SHPRH: variants seen among roughly 807,000 people sequenced by gnomAD.
SHPRH encodes E3 ubiquitin-protein ligase SHPRH.
A neutral mutation model predicts 202.5 loss-of-function variants in SHPRH; 106 were observed. The observed-to-expected ratio is 0.52, with a 90% CI of 0.45 to 0.62. The LOEUF (loss-of-function observed/expected upper bound fraction) is 0.62. Ranked by LOEUF, SHPRH falls within the 20% of genes least tolerant of loss-of-function variation. The pLI is 0.00. For missense variants in SHPRH, 1,710 were observed against 2,020.0 expected (o/e 0.85, Z 2.94); for synonymous variants, 729 against 686.0 (o/e 1.06, Z -0.98).
At chr6:145,884,673 A>G (rs1344926111), downstream of SHPRH, 2 of 152,158 alleles carry the variant, frequency 1.3e-5, no homozygotes, top group African/African-American at 2.4e-5. Flanking sequence ...AACTGTCACA[A>G]TTGTTTTTAA....
In SHPRH at chr6:145,902,711, TTACTC is replaced by T. The variant is rs145820782; in HGVS notation, c.4515+7732_4516-7735del. Among the ~76,000 whole-genome samples the T allele has an allele frequency of 1.8e-3, 269 of 152,248 alleles. 2 individuals carry two copies. The highest frequency in any genetic ancestry group is 6.3e-3 in the African/African-American group (261 of 41,568). ...TAGAAAGATACACTGTAGCTTGGCT[TTACTC>T]TAGACTATTCAATTGTTTACACAGA... On this transcript the variant is annotated intron_variant, in intron 25 of 29. Transcript: ENST00000275233.
At position 145,948,259 on chromosome 6, in the gene SHPRH, A is replaced by G; in HGVS notation, c.1061+13T>C. On this transcript the variant is annotated intron_variant, in intron 5 of 29. Coordinates refer to ENST00000275233, the MANE Select transcript of SHPRH (RefSeq NM_001042683.3). ...TTTTTTAAATCAAGCATATAAGTAA[A>G]ATTTTGCCTTACCAGCCTGTATATG... 2 of 1,553,728 alleles carry G rather than the reference A, an allele frequency of 1.3e-6. No individual in the cohort carries two copies.
intron 2 of SHPRH, 81 bp from the exon 3 acceptor site, chr6:145,952,559 G>A: frequency 8.3e-6 from 11 of 1,330,084 alleles, no homozygotes; most frequent in Non-Finnish European, 1.1e-5. Context: ...GAAAAAATTA[G>A]CATCACTACT....
chr6:145,923,659 G>A lies in SHPRH; in HGVS notation c.3529C>T (p.Leu1177Phe). The part of the protein sequence containing the change: ...TSNYKQQTGK[L>F]SMSEKFRDCR... The stretch of plus-strand genomic sequence containing the variant: ...TTTTCTTACTTCTCTGACATAGAAA[G>A]CTTGCCAGTTTGTTGCTTGTAGTTG... Residue 1177 changes from leucine to phenylalanine, a missense_variant, in exon 18 of 30, where the codon CTT becomes TTT. Coordinates refer to ENST00000275233, the MANE Select transcript of SHPRH (RefSeq NM_001042683.3). 3.7e-6 allele frequency: 6 copies of A among 1,611,736 alleles called. No individual in the cohort carries two copies. Among genetic ancestry groups the A allele is most frequent in the Non-Finnish European group, 5.1e-6 (6 of 1,178,530 alleles).
chr6:145,884,412 T>C (rs1780818006), downstream of SHPRH: 7 of 152,150 alleles, frequency 4.6e-5, no homozygotes, highest in Admixed American at 2.0e-4. Flanking sequence ...TCATCTGGAA[T>C]CATGTTACAG....
chr6:145,878,349 T>C (rs1780397401), intron 2 of SHPRH, among the ~76,000 whole-genome samples: 1 of 152,220 alleles, frequency 6.6e-6, no homozygotes, highest in Non-Finnish European at 1.5e-5. Flanking sequence ...TTTTTGGTGT[T>C]GTACATTCTA....
At chr6:145,916,075 T>A (rs1423416401) in intron 23 of SHPRH, among the ~76,000 whole-genome samples, 1 of 152,120 alleles carries the variant, frequency 6.6e-6, no homozygotes, top group African/African-American at 2.4e-5. Flanking sequence ...GGTATTTTCA[T>A]TTGTACTGTA....
intron 14 of SHPRH, among the ~76,000 whole-genome samples, chr6:145,931,106 T>C (rs1371311825): frequency 5.3e-5 from 8 of 152,080 alleles, no homozygotes; most frequent in Non-Finnish European, 8.8e-5. Flanking sequence ...TTCATCCTCT[T>C]ACATTTGCAT....
chr6:145,948,962 A>G (rs1446490950), intron 4 of SHPRH, among the ~76,000 whole-genome samples: 3 of 152,088 alleles, frequency 2.0e-5, no homozygotes, highest in African/African-American at 7.2e-5. Flanking sequence ...CTACCCACCA[A>G]TGAAACAGCA....
In SHPRH at chr6:145,945,505, C is replaced by T. The variant is rs762109266; in HGVS notation, c.1454G>A (p.Arg485Gln). 5.6e-6 allele frequency: 9 copies of T among 1,613,112 alleles called. No individual in the cohort carries two copies. Among genetic ancestry groups the T allele is most frequent in the East Asian group, 2.2e-5 (1 of 44,806 alleles). Reference protein sequence around the residue: ...DVQRNRSLLKRMLKCLIFEGL... With the variant: ...DVQRNRSLLKQMLKCLIFEGL... ...TTCAAAAATTAAACATTTCAGCATCCGTTTCAAAAGACTCCTGTTCCGTTG... is the reference window on the plus strand; with the variant it reads ...TTCAAAAATTAAACATTTCAGCATCTGTTTCAAAAGACTCCTGTTCCGTTG... Residue 485 changes from arginine (R) to glutamine (Q), a missense_variant, in exon 8 of 30, where the codon CGG (arginine) becomes CAG (glutamine). Physicochemically the swap from Arg to Gln is conservative, Grantham distance 43 (BLOSUM62 1). Coordinates refer to ENST00000275233, the MANE Select transcript of SHPRH (RefSeq NM_001042683.3).
chr6:145,925,262 CAG>C (rs1784760134), intron 16 of SHPRH, among the ~76,000 whole-genome samples: 1 of 151,312 alleles, frequency 6.6e-6, no homozygotes, highest in South Asian at 2.1e-4. Flanking sequence ...CACAGTAACA[CAG>C]GTGTTAGGAA....
At chr6:145,914,733 T>G (rs1281977348) in intron 23 of SHPRH, among the ~76,000 whole-genome samples, 3 of 152,168 alleles carry the variant, frequency 2.0e-5, no homozygotes, top group African/African-American at 4.8e-5. Context: ...CCATGGGTTA[T>G]TCAGAAGTAT....
intron 16 of SHPRH, among the ~76,000 whole-genome samples, chr6:145,925,152 T>C (rs1784751191): frequency 6.6e-6 from 1 of 151,760 alleles, no homozygotes; most frequent in African/African-American, 2.4e-5. Flanking sequence ...ACAGTAATAT[T>C]TCAAATGATA....
In SHPRH at chr6:145,947,395, AG is replaced by A; in HGVS notation, c.1212+97del. 13 of 1,351,612 alleles carry A rather than the reference AG, an allele frequency of 9.6e-6. No homozygotes were observed. The South Asian group carries it at 2.0e-4, about 21-fold the overall frequency. 83.7% of individuals were successfully genotyped at this position (1,351,612 alleles called of 1,614,324 possible). Reference sequence around the variant, plus strand: ...ATAAATCATTACCCACAGAGTGAACAGAAAGTGTTGACTTAAGTGCCAAGCA... The same window carrying A: ...ATAAATCATTACCCACAGAGTGAACAAAAGTGTTGACTTAAGTGCCAAGCA... On this transcript the variant is annotated intron_variant, in intron 6 of 29. Coordinates refer to ENST00000275233, the MANE Select transcript of SHPRH (RefSeq NM_001042683.3).
At chr6:145,921,023 G>T in intron 21 of SHPRH, 144 bp downstream of exon 21, 1 of 644,924 alleles carries the variant, frequency 1.6e-6, no homozygotes, top group Non-Finnish European at 2.6e-6. Context: ...TATTACAACA[G>T]TTACATTTCA....
chr6:145,954,747 T>A lies in SHPRH; in HGVS notation c.576A>T (p.Leu192=), dbSNP rs372554285. ...SGEMLEDLGW[L]QKKRRIKLYQ... ...AGAGTTTTATTCTTCTCTTCTTTTGTAGCCACCCCAAATCTTCTAACATTT... is the reference window on the plus strand; with the variant it reads ...AGAGTTTTATTCTTCTCTTCTTTTGAAGCCACCCCAAATCTTCTAACATTT... Residue 192 remains leucine (L), a synonymous_variant, in exon 2 of 30, where the codon CTA becomes CTT. Transcript: ENST00000275233. The A allele has an allele frequency of 3.7e-6, 6 of 1,609,510 alleles. No homozygotes were observed. Among genetic ancestry groups the A allele is most frequent in the Middle Eastern group, 1.7e-4 (1 of 6,046 alleles).
chr6:145,904,258 T>C (rs1053242076), intron 25 of SHPRH: 2 of 152,088 alleles, frequency 1.3e-5, no homozygotes, highest in African/African-American at 4.8e-5. Context: ...AAATAAATTT[T>C]ATATTTCAGA....
chr6:145,868,889 T>G (rs962728682), intron 2 of SHPRH, among the ~76,000 whole-genome samples: 1 of 152,330 alleles, frequency 6.6e-6, no homozygotes, highest in East Asian at 1.9e-4. Context: ...TGAATTATAA[T>G]TGTTTGCTTT....
At chr6:145,952,271 T>C (rs1479588760) in intron 3 of SHPRH, 78 bp downstream of exon 3, 4 of 1,283,084 alleles carry the variant, frequency 3.1e-6, no homozygotes, top group Non-Finnish European at 4.2e-6. Context: ...GTTTTTCTGA[T>C]TGTTATGTCC....
Sources: allele counts gnomAD v4.1 joint callset (sites outside exome capture counted in the v4.1 genomes callset), GRCh38; gene constraint gnomAD v4.1.1; transcripts MANE v1.5; gene names NCBI Gene and HGNC (gene_info 2026-07-23, HGNC 2026-07-21).